Variants in RTRAF observed in about 807,000 individuals in gnomAD.
RTRAF encodes tRNA-splicing ligase complex subunit RTRAF.
A neutral mutation model predicts 34.4 loss-of-function variants in RTRAF; 14 were observed. That is an observed-to-expected ratio of 0.41 (90% CI 0.27 to 0.64). The LOEUF (loss-of-function observed/expected upper bound fraction) is 0.64, where lower values mean the gene tolerates loss of function less well. Among genes scored for constraint, RTRAF ranks in the 30% least tolerant of loss-of-function variants. The probability of loss-of-function intolerance (pLI) is 0.34; values close to 1 mark genes in which losing one functional copy is unlikely to be tolerated. For missense variants in RTRAF, 291 were observed against 288.4 expected (o/e 1.01, Z -0.06); for synonymous variants, 96 against 95.3 (o/e 1.01, Z -0.04).
chr14:52,005,877 A>G lies in RTRAF; in HGVS notation c.*1361A>G, dbSNP rs374684797. On this transcript the variant is annotated 3_prime_UTR_variant, in exon 8 of 8. Coordinates refer to ENST00000261700, the MANE Select transcript of RTRAF (RefSeq NM_016039.3). ...GGTAACAGAAAGGAAGAGTGAATTCAGGGACAGTCATTTACTAGATAAAGA... is the reference window on the plus strand; with the variant it reads ...GGTAACAGAAAGGAAGAGTGAATTCGGGGACAGTCATTTACTAGATAAAGA... 4 of 1,505,906 alleles carry G rather than the reference A, an allele frequency of 2.7e-6. No individual in the cohort carries two copies. The highest frequency in any genetic ancestry group is 2.3e-5 in the East Asian group (1 of 44,070). The allele number at this position is 1,505,906 out of a possible 1,614,324, so 93.3% of individuals were successfully genotyped here. A position where few individuals can be genotyped will look rare whatever the true frequency, so the allele number is the denominator to read the frequency against.
chr14:52,001,218 A>G (rs1464649270), intron 5 of RTRAF, among the ~76,000 whole-genome samples: 1 of 151,450 alleles, frequency 6.6e-6, no homozygotes, highest in Non-Finnish European at 1.5e-5. Flanking sequence ...TTAAAATTCC[A>G]TTTTTTTAAA....
chr14:52,000,399 A>G (rs1028012592), intron 5 of RTRAF, among the ~76,000 whole-genome samples: 2 of 152,138 alleles, frequency 1.3e-5, no homozygotes, highest in South Asian at 4.1e-4. Flanking sequence ...TCTGAGAGAA[A>G]TCATAAACTT....
At chr14:51,991,191 T>A (rs891755788) in intron 1 of RTRAF, 126 bp from the exon 2 acceptor site, 2 of 946,514 alleles carry the variant, frequency 2.1e-6, no homozygotes, top group African/African-American at 3.3e-5. Context: ...CTCCCTCTTT[T>A]GGTTCAATTA....
In RTRAF at chr14:51,991,404, A is replaced by G. The variant is rs1014103647; in HGVS notation, c.149A>G (p.Asn50Ser). ...YKIEDRGNLRNIHSSDWPKFF... is the reference protein window; with the variant it reads ...YKIEDRGNLRSIHSSDWPKFF... The stretch of plus-strand genomic sequence containing the variant: ...ATTGAAGACAGAGGGAATTTAAGAA[A>G]CATCCACAGCAGCGACTGGCCCAAG... Residue 50 changes from asparagine (N) to serine (S), a missense_variant, in exon 2 of 8, where the codon AAC becomes AGC. Physicochemically the swap from Asn to Ser is conservative, Grantham distance 46. Transcript: ENST00000261700. 1 of 1,613,556 alleles carries G rather than the reference A, an allele frequency of 6.2e-7. No individual in the cohort carries two copies. Among genetic ancestry groups the G allele is most frequent in the African/African-American group, 1.3e-5 (1 of 74,932 alleles).
rs184151693 is a variant in RTRAF at position 52,007,798 on chromosome 14, C to T, written c.*3282C>T. The T allele has an allele frequency of 7.0e-3, 11,219 of 1,609,910 alleles. 42 individuals carry two copies. Among genetic ancestry groups the T allele is most frequent in the Non-Finnish European group, 8.3e-3 (9,752 of 1,177,502 alleles). On this transcript the variant is annotated 3_prime_UTR_variant, in exon 8 of 8. Coordinates refer to ENST00000261700, the MANE Select transcript of RTRAF (RefSeq NM_016039.3). ...GAGAGGTTATCTATTTGCATTCCAT[C>T]AGTAGTATTACCTGCATCTGCCCAG...
chr14:52,004,278 T>TA, intron 7 of RTRAF, 36 bp downstream of exon 7: 1 of 1,601,604 alleles, frequency 6.2e-7, no homozygotes, highest in Non-Finnish European at 8.5e-7. Flanking sequence ...CTATTTTTTT[T>TA]ACAGACTGAA....
At chr14:52,001,656 T>G in intron 5 of RTRAF, 142 bp from the exon 6 acceptor site, 1 of 644,040 alleles carries the variant, frequency 1.6e-6, no homozygotes, top group South Asian at 2.0e-5. Flanking sequence ...TTTTTTTTAT[T>G]TTTAATTTAA....
chr14:52,005,727 T>C lies in RTRAF; in HGVS notation c.*1211T>C. 3 of 1,602,118 alleles carry C rather than the reference T, an allele frequency of 1.9e-6. No homozygotes were observed. Among genetic ancestry groups the C allele is most frequent in the Non-Finnish European group, 2.6e-6 (3 of 1,169,042 alleles). On this transcript the variant is annotated 3_prime_UTR_variant, in exon 8 of 8. Coordinates refer to ENST00000261700, the MANE Select transcript of RTRAF (RefSeq NM_016039.3). ...TAATTTAAAGGAGCATCCTAAAGCA[T>C]ACTTTTTACCTGTTGGGCAGTAGGG...
intron 7 of RTRAF, 28 bp from the exon 8 acceptor site, chr14:52,004,334 G>A: frequency 6.2e-7 from 1 of 1,611,184 alleles, no homozygotes; most frequent in Non-Finnish European, 8.5e-7. Context: ...ATTATGTATT[G>A]AAGCAGTGTT....
At position 52,010,199 on chromosome 14, in the gene RTRAF, C is replaced by A. The variant is rs1325413420; in HGVS notation, c.*5683C>A. On this transcript the variant is annotated 3_prime_UTR_variant, in exon 8 of 8. Coordinates refer to ENST00000261700, the MANE Select transcript of RTRAF (RefSeq NM_016039.3). ...GTATTTCATAGTCAAAAAGCACTTA[C>A]CTGAAAATTAAAGCTGAAGGTTTTC... The A allele has an allele frequency of 6.6e-6, 1 of 152,152 alleles. No homozygotes were observed. Among genetic ancestry groups the A allele is most frequent in the Non-Finnish European group, 1.5e-5 (1 of 68,034 alleles). 9.4% of individuals were successfully genotyped at this position (152,152 alleles called of 1,614,324 possible).
Position 52,005,887 on chromosome 14 carries a change from A to T in RTRAF, c.*1371A>T. ...AGGAAGAGTGAATTCAGGGACAGTC[A>T]TTTACTAGATAAAGAAGTCAGTCAG... On this transcript the variant is annotated 3_prime_UTR_variant, in exon 8 of 8. Coordinates refer to ENST00000261700, the MANE Select transcript of RTRAF (RefSeq NM_016039.3). 1.4e-6 allele frequency: 2 copies of T among 1,438,232 alleles called. No individual in the cohort carries two copies. Among genetic ancestry groups the T allele is most frequent in the African/African-American group, 3.1e-5 (2 of 64,590 alleles). 89.1% of individuals were successfully genotyped at this position (1,438,232 alleles called of 1,614,324 possible). A position where few individuals can be genotyped will look rare whatever the true frequency, so the allele number is the denominator to read the frequency against.
At chr14:52,000,264 G>A (rs1466007537) in intron 5 of RTRAF, among the ~76,000 whole-genome samples, 1 of 151,974 alleles carries the variant, frequency 6.6e-6, no homozygotes, top group Non-Finnish European at 1.5e-5. Flanking sequence ...TGGTGAATTT[G>A]GTCAAAAATA....
Position 51,991,713 on chromosome 14 carries a change from G to A in RTRAF, c.186+272G>A, listed in dbSNP as rs73301033. On this transcript the variant is annotated intron_variant, in intron 2 of 7. Coordinates refer to ENST00000261700, the MANE Select transcript of RTRAF (RefSeq NM_016039.3). The stretch of plus-strand genomic sequence containing the variant: ...AAATAAATAATGATGTAAATATTTC[G>A]CTTTCCCTTTATGGCCCAAATCAGA... Among the ~76,000 whole-genome samples the A allele has an allele frequency of 6.4e-3, 976 of 152,148 alleles. 7 individuals are homozygous for A. Among genetic ancestry groups the A allele is most frequent in the African/African-American group, 0.022 (933 of 41,502 alleles).
intron 1 of RTRAF, among the ~76,000 whole-genome samples, chr14:51,990,103 A>G (rs1890404433): frequency 6.6e-6 from 1 of 152,152 alleles, no homozygotes; most frequent in Admixed American, 6.5e-5. Context: ...AGTAACTTGA[A>G]GACTAGTTCA....
At chr14:51,993,601 A>T (rs1404621426) in intron 2 of RTRAF, 122 bp from the exon 3 acceptor site, 1 of 636,020 alleles carries the variant, frequency 1.6e-6, no homozygotes, top group Non-Finnish European at 2.8e-6. Flanking sequence ...TCAAAAGTGT[A>T]GTAATGTTAT....
In RTRAF at chr14:52,010,341, A is replaced by C. The variant is rs4901177; in HGVS notation, c.*5825A>C. On this transcript the variant is annotated 3_prime_UTR_variant, in exon 8 of 8. Transcript: ENST00000261700. The stretch of plus-strand genomic sequence containing the variant: ...GATTGTAACAAGTACTGAGACAGTG[A>C]ACAAATCCTGTATGTCACATTTGAT... The C allele has an allele frequency of 1.3e-5, 2 of 152,322 alleles. No individual in the cohort carries two copies. Among genetic ancestry groups the C allele is most frequent in the African/African-American group, 4.8e-5 (2 of 41,434 alleles). 9.4% of individuals were successfully genotyped at this position (152,322 alleles called of 1,614,324 possible). A position where few individuals can be genotyped will look rare whatever the true frequency, so the allele number is the denominator to read the frequency against.
chr14:51,991,917 G>C (rs1890441086), intron 2 of RTRAF, among the ~76,000 whole-genome samples: 1 of 152,100 alleles, frequency 6.6e-6, no homozygotes, highest in African/African-American at 2.4e-5. Context: ...AAAATAGAAA[G>C]TTATCTGGGT....
chr14:51,993,843 G>A lies in RTRAF; in HGVS notation c.286+21G>A, dbSNP rs139435002. Reference sequence around the variant, plus strand: ...TAATGGTACGTTTTGTGGGGAATGTGTATTTTAAAGAGAGAGGAAAGATGG... The same window carrying A: ...TAATGGTACGTTTTGTGGGGAATGTATATTTTAAAGAGAGAGGAAAGATGG... On this transcript the variant is annotated intron_variant, in intron 3 of 7. Coordinates refer to ENST00000261700, the MANE Select transcript of RTRAF (RefSeq NM_016039.3). 40 of 1,393,222 alleles carry A rather than the reference G, an allele frequency of 2.9e-5. 1 individual carries two copies. The highest frequency in any genetic ancestry group is 2.8e-4 in the South Asian group (22 of 79,994). The allele number at this position is 1,393,222 out of a possible 1,614,324, so 86.3% of individuals were successfully genotyped here.
At position 52,004,250 on chromosome 14, in the gene RTRAF, AT is replaced by A; in HGVS notation, c.580+12del. On this transcript the variant is annotated intron_variant, in intron 7 of 7. Coordinates refer to ENST00000261700, the MANE Select transcript of RTRAF (RefSeq NM_016039.3). ...TTGGTTTTGACACAGGAGGTAAGTG[AT>A]TTTGTTTAAATTCAAACTATTTTTT... The A allele has an allele frequency of 6.2e-7, 1 of 1,613,150 alleles. No homozygotes were observed. The highest frequency in any genetic ancestry group is 1.3e-5 in the African/African-American group (1 of 74,958).
Sources: allele counts gnomAD v4.1 joint callset (sites outside exome capture counted in the v4.1 genomes callset), GRCh38; gene constraint gnomAD v4.1.1; transcripts MANE v1.5; gene names NCBI Gene and HGNC (gene_info 2026-07-23, HGNC 2026-07-21).